WDFY4: variants seen among roughly 807,000 people sequenced by gnomAD.
WDFY4 encodes WDFY family member 4, also known as WD repeat- and FYVE domain-containing protein 4.
WDFY4 carries 169 observed loss-of-function variants against 351.9 expected under a neutral mutation model. The observed-to-expected ratio is 0.48, with a 90% CI of 0.42 to 0.55. WDFY4 has a LOEUF of 0.55. Among genes scored for constraint, WDFY4 ranks in the 20% least tolerant of loss-of-function variants. The pLI is 0.00. For synonymous variants in WDFY4, 1,622 were observed against 1,574.6 expected (o/e 1.03, Z -0.71); for missense variants, 3,803 against 3,935.6 (o/e 0.97, Z 0.90).
At chr10:48,745,533 C>T in intron 12 of WDFY4, 1 of 349,222 alleles carries the variant, frequency 2.9e-6, no homozygotes, top group Non-Finnish European at 5.4e-6. Flanking sequence ...ATAAACAGGC[C>T]TTATTGGGCT....
At chr10:48,843,301 G>A (rs1202613862) in intron 39 of WDFY4, among the ~76,000 whole-genome samples, 1 of 152,274 alleles carries the variant, frequency 6.6e-6, no homozygotes, top group East Asian at 1.9e-4. Context: ...TGCCATATAT[G>A]AAGGCTGTGA....
rs538098816 is a variant in WDFY4, at chr10:48,743,365, G to A, written c.2276G>A (p.Arg759Gln). 1.7e-4 allele frequency: 264 copies of A among 1,551,580 alleles called. No homozygotes were observed. The highest frequency in any genetic ancestry group is 2.1e-4 in the Non-Finnish European group (244 of 1,146,986). The change falls in exon 12 of 62, where the codon CGG becomes CAG. Residue 759 changes from arginine (R) to glutamine (Q), a missense_variant. Transcript: ENST00000325239. Reference sequence around the variant, plus strand: ...TCCTCCAGCGGCTCACTCCCACCCCGGATACAGAGCTGCCTCCAGATCCTT... The same window carrying A: ...TCCTCCAGCGGCTCACTCCCACCCCAGATACAGAGCTGCCTCCAGATCCTT... ...AFSSSGSLPP[R>Q]IQSCLQILGF...
intron 42 of WDFY4, among the ~76,000 whole-genome samples, chr10:48,875,928 C>T (rs572562413): frequency 6.6e-6 from 1 of 152,316 alleles, no homozygotes; most frequent in East Asian, 1.9e-4. Flanking sequence ...CCAAGCCCTA[C>T]AACTCTCACA....
At chr10:48,782,014 T>A (rs1565191283) in intron 19 of WDFY4, among the ~76,000 whole-genome samples, 1 of 152,242 alleles carries the variant, frequency 6.6e-6, no homozygotes, top group Non-Finnish European at 1.5e-5. Context: ...AGGTGATTTT[T>A]AAAAGGGTTT....
At chr10:48,726,596 G>A (rs1466115900) in intron 6 of WDFY4, among the ~76,000 whole-genome samples, 1 of 152,170 alleles carries the variant, frequency 6.6e-6, no homozygotes, top group Non-Finnish European at 1.5e-5. Context: ...GCCAGGACTG[G>A]ACTCCAGCTC....
chr10:48,886,850 C>T (rs2133351463), intron 43 of WDFY4, among the ~76,000 whole-genome samples: 1 of 152,296 alleles, frequency 6.6e-6, no homozygotes, highest in Middle Eastern at 3.4e-3. Flanking sequence ...ATATATCATT[C>T]AGTTGATCTT....
At chr10:48,832,484 C>T in intron 38 of WDFY4, 89 bp from the exon 39 acceptor site, 1 of 1,403,686 alleles carries the variant, frequency 7.1e-7, no homozygotes, top group Non-Finnish European at 9.4e-7. Context: ...GGCTCATGCC[C>T]CTGGCTGGCC....
chr10:48,795,528 TATATATAC>T (rs1565208062), intron 23 of WDFY4, among the ~76,000 whole-genome samples: 19 of 89,878 alleles, frequency 2.1e-4, no homozygotes, highest in African/African-American at 6.9e-4. Flanking sequence ...TATATACATA[TATATATAC>T]ACACACATGA....
intron 32 of WDFY4, among the ~76,000 whole-genome samples, chr10:48,817,751 T>C (rs1407808025): frequency 2.0e-5 from 3 of 152,162 alleles, no homozygotes; most frequent in Non-Finnish European, 4.4e-5. Flanking sequence ...GTGCACCACA[T>C]GGGGGAGGGC....
At chr10:48,907,567 C>T (rs4089536) in intron 47 of WDFY4, among the ~76,000 whole-genome samples, 23,732 of 152,080 alleles carry the variant, frequency 0.16, 2,204 homozygotes, top group African/African-American at 0.24. Flanking sequence ...AGACAAATAA[C>T]TTAAAAAACC....
At chr10:48,824,051 A>T in intron 35 of WDFY4, 1 of 985,442 alleles carries the variant, frequency 1.0e-6, no homozygotes, top group Non-Finnish European at 1.2e-6. Context: ...CTTTTCATGG[A>T]AGCCAAACAG....
chr10:48,810,731 A>G lies in WDFY4; in HGVS notation c.5040A>G (p.Val1680=). 1 of 1,531,762 alleles carries G rather than the reference A, an allele frequency of 6.5e-7. No homozygotes were observed. Among genetic ancestry groups the G allele is most frequent in the Non-Finnish European group, 8.8e-7 (1 of 1,136,584 alleles). The allele number at this position is 1,531,762 out of a possible 1,614,324, so 94.9% of individuals were successfully genotyped here. A position where few individuals can be genotyped will look rare whatever the true frequency, so the allele number is the denominator to read the frequency against. ...GCAGCACTGAGGGCGTGGATATTGT[A>G]ATGGGTGAGCACGTGGCTGTCTCCA... ...VERSTEGVDI[V]MDNLKSQSPL... Residue 1680 remains valine (V), a synonymous_variant, in exon 29 of 62, where the codon GTA becomes GTG. Transcript: ENST00000325239.
At chr10:48,941,771 A>G (rs1406277684) in intron 47 of WDFY4, 35 bp from the exon 48 acceptor site, 5 of 1,550,322 alleles carry the variant, frequency 3.2e-6, no homozygotes, top group South Asian at 1.2e-5. Context: ...TTGCCTTGGT[A>G]TATTTAGTCA....
intron 7 of WDFY4, among the ~76,000 whole-genome samples, chr10:48,727,866 G>T (rs1009168579): frequency 6.6e-6 from 1 of 152,202 alleles, no homozygotes. Flanking sequence ...GTACTTGTAG[G>T]CACCTGTCAC....
At chr10:48,742,857 C>T (rs2064895432) in intron 11 of WDFY4, 111 bp from the exon 12 acceptor site, 4 of 969,860 alleles carry the variant, frequency 4.1e-6, no homozygotes, top group Non-Finnish European at 6.0e-6. Flanking sequence ...AACTTGTTGG[C>T]CTGAAGTCGT....
At chr10:48,838,531 C>G (rs1269081287) in intron 39 of WDFY4, among the ~76,000 whole-genome samples, 2 of 152,136 alleles carry the variant, frequency 1.3e-5, no homozygotes, top group Non-Finnish European at 2.9e-5. Flanking sequence ...ATGTTTTTGA[C>G]TATCCCCTCT....
chr10:48,760,543 T>A (rs955810833), intron 13 of WDFY4, 103 bp downstream of exon 13: 5 of 1,147,756 alleles, frequency 4.4e-6, no homozygotes, highest in East Asian at 5.2e-5. Flanking sequence ...GTGTCTTCAG[T>A]GCCCTGCGTT....
intron 47 of WDFY4, among the ~76,000 whole-genome samples, chr10:48,918,472 G>T (rs2663057): frequency 0.71 from 108,279 of 152,054 alleles, 39,363 homozygotes; most frequent in African/African-American, 0.86. Flanking sequence ...AAAATTTACA[G>T]GAAGTAAGAC....
At chr10:48,764,530 C>T (rs541369798) in intron 13 of WDFY4, among the ~76,000 whole-genome samples, 9 of 152,172 alleles carry the variant, frequency 5.9e-5, no homozygotes, top group Non-Finnish European at 8.8e-5. Flanking sequence ...GAGATGTGGC[C>T]GTGGGCTAGA....
Sources: allele counts gnomAD v4.1 joint callset (sites outside exome capture counted in the v4.1 genomes callset), GRCh38; gene constraint gnomAD v4.1.1; transcripts MANE v1.5; gene names NCBI Gene and HGNC (gene_info 2026-07-23, HGNC 2026-07-21).